Variants in MUSK observed in about 807,000 individuals in gnomAD.
MUSK encodes the protein muscle associated receptor tyrosine kinase.
Under a neutral mutation model 88.7 loss-of-function variants are expected in MUSK, and 55 were observed. That is an observed-to-expected ratio of 0.62 (90% CI 0.50 to 0.78). The LOEUF (loss-of-function observed/expected upper bound fraction) is 0.78. Among genes scored for constraint, MUSK ranks in the 30% least tolerant of loss-of-function variants. The pLI, the probability that MUSK is intolerant of heterozygous loss-of-function variation, is 0.00. For synonymous variants in MUSK, 387 were observed against 391.9 expected (o/e 0.99, Z 0.15); for missense variants, 1,015 against 1,074.3 (o/e 0.94, Z 0.77).
intron 5 of MUSK, among the ~76,000 whole-genome samples, chr9:110,711,620 C>T (rs1479517911): frequency 6.6e-6 from 1 of 152,138 alleles, no homozygotes; most frequent in Non-Finnish European, 1.5e-5. Flanking sequence ...TAGAAGCTTG[C>T]AGAAGACCAA....
At chr9:110,773,646 TA>T (rs907526464) in intron 9 of MUSK, among the ~76,000 whole-genome samples, 19 of 151,716 alleles carry the variant, frequency 1.3e-4, no homozygotes, top group African/African-American at 3.6e-4. Context: ...TTTTCACATG[TA>T]AAAAAAAATT....
intron 5 of MUSK, among the ~76,000 whole-genome samples, chr9:110,728,110 A>C (rs2076911430): frequency 6.6e-6 from 1 of 152,104 alleles, no homozygotes; most frequent in Non-Finnish European, 1.5e-5. Flanking sequence ...CCAGAAGGTA[A>C]TGATTTGCTC....
chr9:110,750,512 T>A (rs1054053599), intron 7 of MUSK, among the ~76,000 whole-genome samples: 1 of 152,156 alleles, frequency 6.6e-6, no homozygotes, highest in African/African-American at 2.4e-5. Context: ...AAATCCTTCA[T>A]CATGCCATTG....
chr9:110,708,043 T>A (rs2076621437), intron 5 of MUSK, among the ~76,000 whole-genome samples: 1 of 152,168 alleles, frequency 6.6e-6, no homozygotes, highest in African/African-American at 2.4e-5. Flanking sequence ...TGCAGACATA[T>A]GAAATAGGTA....
rs201616041 is a variant in MUSK at position 110,800,460 on chromosome 9, C to T, written c.2082C>T (p.Pro694=). The T allele has an allele frequency of 4.3e-6, 7 of 1,613,840 alleles. No individual in the cohort carries two copies. The Admixed American group carries it at 6.7e-5, about 15-fold the overall frequency. The change falls in exon 15 of 15, where the codon CCC becomes CCT. Residue 694 remains proline (P), a synonymous_variant. Transcript: ENST00000374448. ...SMRAQVSSPG[P]PPLSCAEQLC... is the part of the protein sequence containing the mutation. ...GGGCTCAGGTCTCCAGCCCTGGGCC[C>T]CCACCCCTCTCCTGTGCTGAGCAGC...
intron 3 of MUSK, among the ~76,000 whole-genome samples, chr9:110,692,201 T>G (rs950222511): frequency 5.9e-5 from 9 of 152,066 alleles, no homozygotes; most frequent in African/African-American, 2.2e-4. Context: ...ACTCTGTAAC[T>G]CAGGCTGTAG....
rs1338515669 is a variant in MUSK, at chr9:110,805,534, G to A, written c.*4546G>A. Among the ~76,000 whole-genome samples the A allele has an allele frequency of 6.6e-6, 1 of 151,878 alleles. No individual in the cohort carries two copies. The highest frequency in any genetic ancestry group is 1.9e-4 in the East Asian group (1 of 5,188). ...ATATCTTTTTCTTGTTGCTTTGTAA[G>A]AGCACTTTATATATTAAGGAGTTAA... On this transcript the variant is annotated 3_prime_UTR_variant, in exon 15 of 15. Transcript: ENST00000374448.
In MUSK at chr9:110,694,385, CAAA is replaced by C. The variant is rs796590211; in HGVS notation, c.359-999_359-997del. Among the ~76,000 whole-genome samples the C allele has an allele frequency of 1.2e-4, 6 of 51,788 alleles. No individual in the cohort carries two copies. In the South Asian group the frequency reaches 4.2e-3, roughly 36 times the overall value. The allele number at this position is 51,788 out of a possible 152,430, so 34.0% of individuals were successfully genotyped here. A position where few individuals can be genotyped will look rare whatever the true frequency, so the allele number is the denominator to read the frequency against. On this transcript the variant is annotated intron_variant, in intron 3 of 14. Coordinates refer to ENST00000374448, the MANE Select transcript of MUSK (RefSeq NM_005592.4). ...TGGGCGACAGAGCGAGACTCCGTCT[CAAA>C]AAAAAAAAAAAAAAAAAACAAAAAA...
intron 5 of MUSK, among the ~76,000 whole-genome samples, chr9:110,725,388 A>T (rs561188909): frequency 5.9e-5 from 9 of 152,116 alleles, no homozygotes; most frequent in Admixed American, 5.9e-4. Flanking sequence ...TTTGATTTTG[A>T]TTTACAGATA....
At chr9:110,724,226 CCA>C (rs1176216796) in intron 5 of MUSK, among the ~76,000 whole-genome samples, 1 of 151,894 alleles carries the variant, frequency 6.6e-6, no homozygotes, top group African/African-American at 2.4e-5. Context: ...TTGTTTTCTT[CCA>C]GAGTAAATTA....
chr9:110,734,519 T>C, intron 6 of MUSK, 144 bp downstream of exon 6: 2 of 1,056,810 alleles, frequency 1.9e-6, no homozygotes, highest in East Asian at 4.9e-5. Flanking sequence ...ATCTTTGTCC[T>C]AGAAGCCATT....
chr9:110,699,250 G>A (rs751265277), intron 5 of MUSK, among the ~76,000 whole-genome samples: 1 of 151,964 alleles, frequency 6.6e-6, no homozygotes, highest in Non-Finnish European at 1.5e-5. Context: ...GTTAATATAT[G>A]CTAGAGATAG....
intron 2 of MUSK, among the ~76,000 whole-genome samples, chr9:110,683,032 C>T (rs1587891152): frequency 6.6e-6 from 1 of 151,986 alleles, no homozygotes; most frequent in African/African-American, 2.4e-5. Context: ...TTATTGTTGA[C>T]TATAGTCACT....
intron 6 of MUSK, among the ~76,000 whole-genome samples, chr9:110,741,777 A>G (rs2077102851): frequency 6.6e-6 from 1 of 152,112 alleles, no homozygotes; most frequent in South Asian, 2.1e-4. Flanking sequence ...GTGCTTTTCC[A>G]GCTTGTAACT....
chr9:110,688,628 C>G (rs960400768), intron 3 of MUSK, among the ~76,000 whole-genome samples: 1 of 151,904 alleles, frequency 6.6e-6, no homozygotes, highest in East Asian at 1.9e-4. Context: ...CACCAACACC[C>G]CCGACAGGCC....
Position 110,689,352 on chromosome 9 carries a change from A to G in MUSK, c.358+2084A>G, listed in dbSNP as rs1587902123. Among the ~76,000 whole-genome samples the G allele has an allele frequency of 2.5e-5, 3 of 118,190 alleles. No individual in the cohort carries two copies. In the South Asian group the frequency reaches 7.4e-4, roughly 29 times the overall value. The allele number at this position is 118,190 out of a possible 152,430, so 77.5% of individuals were successfully genotyped here. ...TATATTTAAATATAAATATATAAAT[A>G]TATATAAATACATATTTATATATAT... On this transcript the variant is annotated intron_variant, in intron 3 of 14. Coordinates refer to ENST00000374448, the MANE Select transcript of MUSK (RefSeq NM_005592.4).
chr9:110,692,224 AC>A (rs1195670988), intron 3 of MUSK, among the ~76,000 whole-genome samples: 2 of 152,070 alleles, frequency 1.3e-5, no homozygotes, highest in Non-Finnish European at 2.9e-5. Context: ...CAGTTGTGTG[AC>A]CATGGCTCAC....
chr9:110,729,780 T>A (rs182499724), intron 5 of MUSK, among the ~76,000 whole-genome samples: 2 of 152,104 alleles, frequency 1.3e-5, no homozygotes, highest in Admixed American at 1.3e-4. Flanking sequence ...AAATAGAAAT[T>A]GATAAGAGAC....
At chr9:110,730,916 C>G (rs1200659806) in intron 5 of MUSK, among the ~76,000 whole-genome samples, 1 of 151,994 alleles carries the variant, frequency 6.6e-6, no homozygotes, top group Non-Finnish European at 1.5e-5. Flanking sequence ...TTCCCCTTGA[C>G]TCTTAGTTGT....
Sources: gnomAD v4.1 joint callset for allele counts (sites outside exome capture counted in the v4.1 genomes callset) on GRCh38, gnomAD v4.1.1 for gene constraint, MANE v1.5 for transcripts, NCBI Gene and HGNC (gene_info 2026-07-23, HGNC 2026-07-21) for gene names.